The following ESR1 variants were observed in gnomAD, a reference collection of about 807,000 sequenced individuals.
ESR1 encodes estrogen receptor.
Under a neutral mutation model 52.7 loss-of-function variants are expected in ESR1, and 12 were observed. That is an observed-to-expected ratio of 0.23 (90% confidence interval 0.15 to 0.37). The LOEUF is 0.37. Among genes scored for constraint, ESR1 ranks in the 10% least tolerant of loss-of-function variants. The pLI is 1.00. For missense variants in ESR1, 584 were observed against 779.7 expected (o/e 0.75, Z 2.99); for synonymous variants, 305 against 316.8 (o/e 0.96, Z 0.39).
rs1413556378 is a variant in ESR1 at position 152,053,351 on chromosome 6, G to A, written c.1236-7640G>A. Among the ~76,000 whole-genome samples, 2 of 151,942 alleles carry A rather than the reference G, an allele frequency of 1.3e-5. No individual in the cohort carries two copies. The highest frequency in any genetic ancestry group is 6.6e-5 in the Admixed American group (1 of 15,256). On this transcript the variant is annotated intron_variant, in intron 5 of 7. Coordinates refer to ENST00000206249, the MANE Select transcript of ESR1 (RefSeq NM_000125.4). The surrounding 1 kb of genome is among the most constrained non-coding windows in gnomAD (Gnocchi z 4.1). ...GATTGGTTCCACCTTGTCCTATCAC[G>A]CTGGATATGCTGTTGCTCCCAAATT...
intron 4 of ESR1, among the ~76,000 whole-genome samples, chr6:151,963,265 T>G (rs2037877745): frequency 6.6e-6 from 1 of 152,252 alleles, no homozygotes; most frequent in Admixed American, 6.5e-5. Flanking sequence ...TTCTCTGGAA[T>G]GGATTAATTT....
chr6:151,981,108 T>C (rs1263137079), intron 4 of ESR1, among the ~76,000 whole-genome samples: 2 of 152,240 alleles, frequency 1.3e-5, no homozygotes, highest in South Asian at 2.1e-4. Context: ...TTATGTTTCA[T>C]CTCATATCCT....
chr6:152,032,209 C>A (rs892565132), intron 5 of ESR1, among the ~76,000 whole-genome samples: 2 of 152,194 alleles, frequency 1.3e-5, no homozygotes, highest in African/African-American at 4.8e-5. Context: ...AACCTGGGAG[C>A]ATTCCCTTTG....
At chr6:152,074,152 G>T (rs115063398) in intron 6 of ESR1, among the ~76,000 whole-genome samples, 2 of 152,108 alleles carry the variant, frequency 1.3e-5, no homozygotes, top group Non-Finnish European at 2.9e-5. Context: ...TTGCATTGGC[G>T]TTGGGCATTT....
At chr6:151,676,950 T>G (rs1293943) in intron 1 of ESR1, among the ~76,000 whole-genome samples, 41,159 of 151,888 alleles carry the variant, frequency 0.27, 6,182 homozygotes, top group East Asian at 0.41. Context: ...AGACAGAGTA[T>G]GGAGAAAGAA....
At chr6:151,686,329 A>T (rs527806082), upstream of ESR1, among the ~76,000 whole-genome samples, 1 of 152,226 alleles carries the variant, frequency 6.6e-6, no homozygotes, top group African/African-American at 2.4e-5. Context: ...TCCGTTGTCG[A>T]ACACTCTAGA....
rs115472041 is a variant in ESR1, at chr6:151,988,174, A to G, written c.1097-23482A>G. Among the ~76,000 whole-genome samples, 1,498 of 152,222 alleles carry G rather than the reference A, an allele frequency of 9.8e-3. 37 individuals carry two copies. The highest frequency in any genetic ancestry group is 0.035 in the African/African-American group (1,442 of 41,466). On this transcript the variant is annotated intron_variant, in intron 4 of 7. Coordinates refer to ENST00000206249, the MANE Select transcript of ESR1 (RefSeq NM_000125.4). ...TTACATTGCAATACATAAGGAAGTA[A>G]TTATACAACTTACCATAACATAGAA...
intron 2 of ESR1, among the ~76,000 whole-genome samples, chr6:151,740,282 C>A (rs1046535658): frequency 1.8e-5 from 2 of 109,274 alleles, no homozygotes; most frequent in Non-Finnish European, 3.7e-5. Context: ...CCATGCCTGG[C>A]TAATTTTTTT....
intron 2 of ESR1, among the ~76,000 whole-genome samples, chr6:151,748,929 T>C (rs559054528): frequency 2.8e-4 from 42 of 152,322 alleles, no homozygotes; most frequent in Admixed American, 1.1e-3. Context: ...GGTTCATTTA[T>C]TTATTCAACT....
intron 7 of ESR1, among the ~76,000 whole-genome samples, chr6:152,097,402 A>G (rs1053075775): frequency 7.9e-6 from 1 of 127,248 alleles, no homozygotes; most frequent in Non-Finnish European, 1.8e-5. Flanking sequence ...ATTTTAAATG[A>G]AAAAAAAAAA....
intron 6 of ESR1, among the ~76,000 whole-genome samples, chr6:152,114,511 C>A (rs1404541804): frequency 6.6e-6 from 1 of 152,142 alleles, no homozygotes; most frequent in Non-Finnish European, 1.5e-5. Flanking sequence ...AAACCTAGAG[C>A]AAAGTCATCC....
chr6:151,700,534 G>A (rs190206760), intron 1 of ESR1, among the ~76,000 whole-genome samples: 20 of 152,094 alleles, frequency 1.3e-4, no homozygotes, highest in Admixed American at 3.3e-4. Flanking sequence ...TATTTGATAT[G>A]GAAACCATAA....
chr6:152,106,611 C>T (rs1187903189), downstream of ESR1, among the ~76,000 whole-genome samples: 1 of 151,996 alleles, frequency 6.6e-6, no homozygotes, highest in African/African-American at 2.4e-5. Context: ...TTTTTTGAGA[C>T]AGGGTGTTGC....
chr6:151,872,088 G>A (rs902749602), intron 2 of ESR1, among the ~76,000 whole-genome samples: 1 of 152,026 alleles, frequency 6.6e-6, no homozygotes, highest in African/African-American at 2.4e-5. Context: ...ATTATTTTGG[G>A]TCTACACCTC....
intron 6 of ESR1, among the ~76,000 whole-genome samples, chr6:152,092,438 A>T (rs1001813318): frequency 6.6e-6 from 1 of 152,098 alleles, no homozygotes; most frequent in African/African-American, 2.4e-5. Context: ...CTCTGTGTAG[A>T]TGTTTCTCCC....
chr6:151,895,071 G>A (rs936544670), intron 3 of ESR1, among the ~76,000 whole-genome samples: 1 of 151,002 alleles, frequency 6.6e-6, no homozygotes, highest in Admixed American at 6.6e-5. Flanking sequence ...TTCTTTGAGA[G>A]GTGTTTTGTA....
chr6:152,076,283 C>T (rs1190590612), intron 6 of ESR1, among the ~76,000 whole-genome samples: 1 of 152,144 alleles, frequency 6.6e-6, no homozygotes, highest in Non-Finnish European at 1.5e-5. Flanking sequence ...ACTTTTATAT[C>T]TTCCTCATTT....
At chr6:151,962,743 A>G (rs913516593) in intron 4 of ESR1, among the ~76,000 whole-genome samples, 6 of 152,176 alleles carry the variant, frequency 3.9e-5, no homozygotes, top group South Asian at 4.1e-4. Context: ...TGTGCTGGGC[A>G]CACACTTAAT....
intron 2 of ESR1, among the ~76,000 whole-genome samples, chr6:151,738,033 G>GA (rs964562361): frequency 3.9e-5 from 6 of 152,148 alleles, no homozygotes; most frequent in African/African-American, 1.4e-4. Context: ...TCTTTGCTGT[G>GA]AAATAAGATG....
Sources: gnomAD v4.1 joint callset for allele counts (sites outside exome capture counted in the v4.1 genomes callset) on GRCh38, gnomAD v4.1.1 for gene constraint, Gnocchi (gnomAD v3.1) non-coding constraint, MANE v1.5 for transcripts, NCBI Gene and HGNC (gene_info 2026-07-23, HGNC 2026-07-21) for gene names.